DLC1: variants seen among roughly 807,000 people sequenced by gnomAD.
The protein encoded by DLC1 is DLC1 Rho GTPase activating protein, also known as rho GTPase-activating protein 7.
Under a neutral mutation model 140.3 loss-of-function variants are expected in DLC1, and 54 were observed. That is an observed-to-expected ratio of 0.38 (90% CI 0.31 to 0.48). The LOEUF is 0.48. DLC1 is among the 20% of genes least tolerant of loss of function. DLC1 has a pLI of 0.96. For synonymous variants in DLC1, 986 were observed against 728.1 expected (o/e 1.35, Z -5.70); for missense variants, 2,536 against 1,907.0 (o/e 1.33, Z -6.14).
rs1210235351 is a variant in DLC1, at chr8:13,164,356, CTCTG to C, written c.1349-48703_1349-48700del. 5.2e-4 allele frequency among the ~76,000 whole-genome samples: 76 copies of C among 145,340 alleles called. 1 individual carries two copies. Among genetic ancestry groups the C allele is most frequent in the East Asian group, 1.6e-3 (8 of 5,112 alleles). On this transcript the variant is annotated intron_variant, in intron 5 of 17. Coordinates refer to ENST00000276297, the MANE Select transcript of DLC1 (RefSeq NM_182643.3). ...TGTCTGTCTGTCTGTCTGTCTCTCTCTCTGTCTGTCTATTTGTGTTTCTGTCTAT... is the reference window on the plus strand; with the variant it reads ...TGTCTGTCTGTCTGTCTGTCTCTCTCTCTGTCTATTTGTGTTTCTGTCTAT...
intron 1 of DLC1, among the ~76,000 whole-genome samples, chr8:13,577,598 T>G (rs181751257): frequency 4.8e-4 from 73 of 152,326 alleles, no homozygotes; most frequent in Admixed American, 2.0e-3. Flanking sequence ...CTAAATTAAT[T>G]TAGAACCTAC....
chr8:13,207,055 C>G (rs1016195895), intron 5 of DLC1, among the ~76,000 whole-genome samples: 3 of 152,002 alleles, frequency 2.0e-5, no homozygotes, highest in Non-Finnish European at 4.4e-5. Flanking sequence ...ATAAATCATT[C>G]TAAAAATATT....
intron 5 of DLC1, among the ~76,000 whole-genome samples, chr8:13,195,633 T>C (rs1180758621): frequency 6.6e-6 from 1 of 152,174 alleles, no homozygotes; most frequent in Non-Finnish European, 1.5e-5. Context: ...AACCTCAAAG[T>C]ATTAAATATT....
intron 6 of DLC1, among the ~76,000 whole-genome samples, chr8:13,112,489 T>C (rs1416935653): frequency 1.3e-5 from 2 of 152,208 alleles, no homozygotes; most frequent in East Asian, 3.8e-4. Context: ...AGGAAGTGGC[T>C]ATAGTCCAGA....
At chr8:13,580,690 C>T (rs1229399695) in intron 1 of DLC1, among the ~76,000 whole-genome samples, 1 of 152,162 alleles carries the variant, frequency 6.6e-6, no homozygotes, top group Admixed American at 6.6e-5. Context: ...CTAAATAGGT[C>T]TTGCATAATG....
chr8:13,140,799 C>A (rs1245296868), intron 5 of DLC1, among the ~76,000 whole-genome samples: 2 of 152,106 alleles, frequency 1.3e-5, no homozygotes, highest in South Asian at 2.1e-4. Context: ...AAGGCGAAGA[C>A]ACAAATTTAA....
chr8:13,279,840 T>G (rs1831304739), intron 5 of DLC1, among the ~76,000 whole-genome samples: 1 of 152,208 alleles, frequency 6.6e-6, no homozygotes, highest in East Asian at 1.9e-4. Flanking sequence ...AAGTTGTATT[T>G]CCACAAACTT....
chr8:13,396,843 C>A (rs1011595255), intron 3 of DLC1, among the ~76,000 whole-genome samples: 1 of 152,136 alleles, frequency 6.6e-6, no homozygotes, highest in Non-Finnish European at 1.5e-5. Flanking sequence ...CACATCCGCT[C>A]CCTCCTTTAA....
At chr8:13,119,817 T>G (rs947898683) in intron 5 of DLC1, among the ~76,000 whole-genome samples, 2 of 151,776 alleles carry the variant, frequency 1.3e-5, no homozygotes, top group African/African-American at 4.8e-5. Flanking sequence ...AAAAGAGCTT[T>G]CTGCCTGTAT....
chr8:13,322,258 A>G (rs1040834767), intron 4 of DLC1, among the ~76,000 whole-genome samples: 2 of 152,188 alleles, frequency 1.3e-5, no homozygotes, highest in African/African-American at 2.4e-5. Context: ...TGATCATTTT[A>G]GCTTTGAAAG....
chr8:13,479,628 G>T (rs1445806614), intron 2 of DLC1, among the ~76,000 whole-genome samples: 2 of 151,884 alleles, frequency 1.3e-5, no homozygotes, highest in Non-Finnish European at 2.9e-5. Flanking sequence ...AAAATATCTT[G>T]ACTATCTAGA....
intron 4 of DLC1, among the ~76,000 whole-genome samples, chr8:13,310,103 C>A (rs554256292): frequency 6.6e-6 from 1 of 152,274 alleles, no homozygotes; most frequent in South Asian, 2.1e-4. Flanking sequence ...CTTCAAACAA[C>A]TGGCAGCTAT....
At chr8:13,110,956 G>C in intron 6 of DLC1, 133 bp from the exon 7 acceptor site, 1 of 738,394 alleles carries the variant, frequency 1.4e-6, no homozygotes, top group East Asian at 2.6e-5. Flanking sequence ...CTCATTCCCC[G>C]TCAAGTTCTA....
intron 1 of DLC1, among the ~76,000 whole-genome samples, chr8:13,546,499 C>A (rs1029753425): frequency 6.6e-6 from 1 of 152,086 alleles, no homozygotes; most frequent in African/African-American, 2.4e-5. Flanking sequence ...TTTACAAGAT[C>A]ATATTTTAGG....
chr8:13,401,015 C>T (rs1837268423), intron 3 of DLC1, among the ~76,000 whole-genome samples: 1 of 152,132 alleles, frequency 6.6e-6, no homozygotes, highest in African/African-American at 2.4e-5. Context: ...TAAATTGTTT[C>T]TTGTAGTGTG....
chr8:13,223,287 C>A (rs1257008694), intron 5 of DLC1, among the ~76,000 whole-genome samples: 1 of 152,140 alleles, frequency 6.6e-6, no homozygotes, highest in Admixed American at 6.6e-5. Context: ...ACAACCCCGC[C>A]CCCAGCAACA....
chr8:13,224,698 C>G (rs537378075), intron 5 of DLC1, among the ~76,000 whole-genome samples: 2 of 152,264 alleles, frequency 1.3e-5, no homozygotes, highest in Admixed American at 1.3e-4. Flanking sequence ...AACAATACTT[C>G]CCCTCTCCTC....
intron 4 of DLC1, among the ~76,000 whole-genome samples, chr8:13,370,452 A>G (rs1403670530): frequency 6.6e-6 from 1 of 152,072 alleles, no homozygotes; most frequent in Admixed American, 6.6e-5. Flanking sequence ...TCTCATGTCT[A>G]AAACCACCTG....
intron 4 of DLC1, among the ~76,000 whole-genome samples, chr8:13,368,939 T>G: frequency 6.6e-6 from 1 of 152,132 alleles, no homozygotes; most frequent in East Asian, 1.9e-4. Context: ...TTCCCCTGCC[T>G]CAGCCTCCCA....
Sources: gnomAD v4.1 joint callset for allele counts (sites outside exome capture counted in the v4.1 genomes callset) on GRCh38, gnomAD v4.1.1 for gene constraint, MANE v1.5 for transcripts, NCBI Gene and HGNC (gene_info 2026-07-23, HGNC 2026-07-21) for gene names.